The following TTC23 variants were observed in gnomAD, a reference collection of about 807,000 sequenced individuals.
The protein encoded by TTC23 is tetratricopeptide repeat domain 23.
TTC23 carries 58 observed loss-of-function variants against 55.1 expected under a neutral mutation model. The observed-to-expected ratio is 1.05, with a 90% CI of 0.85 to 1.31. The LOEUF (loss-of-function observed/expected upper bound fraction) is 1.31, where lower values mean the gene tolerates loss of function less well. Among genes scored for constraint, TTC23 ranks in the 50% most tolerant of loss-of-function variants. TTC23 has a pLI of 0.00. For missense variants in TTC23, 516 were observed against 534.4 expected (o/e 0.97, Z 0.34); for synonymous variants, 203 against 199.9 (o/e 1.02, Z -0.13).
At chr15:99,207,820 T>C (rs2076744403) in intron 8 of TTC23, among the ~76,000 whole-genome samples, 1 of 152,174 alleles carries the variant, frequency 6.6e-6, no homozygotes, top group South Asian at 2.1e-4. Flanking sequence ...TTGAGAACTA[T>C]AAGAAGCCTG....
At chr15:99,205,554 T>G (rs907672786) in intron 8 of TTC23, among the ~76,000 whole-genome samples, 1 of 152,098 alleles carries the variant, frequency 6.6e-6, no homozygotes, top group Admixed American at 6.5e-5. Context: ...TTGCTAGGTT[T>G]TTTTTTGTAG....
At chr15:99,213,563 T>C (rs559613762) in intron 8 of TTC23, among the ~76,000 whole-genome samples, 14 of 152,360 alleles carry the variant, frequency 9.2e-5, no homozygotes, top group African/African-American at 3.4e-4. Flanking sequence ...TCCTATCTTA[T>C]AAGACAGAAT....
intron 12 of TTC23, chr15:99,155,221 G>A (rs1228229171): frequency 6.6e-6 from 1 of 152,134 alleles, no homozygotes; most frequent in Non-Finnish European, 1.5e-5. Flanking sequence ...AGATCAAATG[G>A]TTAGAATTAA....
At chr15:99,211,767 G>T (rs906947387) in intron 8 of TTC23, among the ~76,000 whole-genome samples, 17 of 152,092 alleles carry the variant, frequency 1.1e-4, no homozygotes, top group Non-Finnish European at 2.4e-4. Context: ...GGAGAGTGAG[G>T]CTCCCAGGAA....
intron 12 of TTC23, chr15:99,144,951 C>T (rs558778556): frequency 7.9e-5 from 12 of 152,316 alleles, no homozygotes; most frequent in African/African-American, 2.6e-4. Context: ...AAGGTGACTT[C>T]GGAAGCCTTA....
Position 99,138,253 on chromosome 15 carries a change from T to G in TTC23, c.1227-126A>C, listed in dbSNP as rs549555434. On this transcript the variant is annotated intron_variant, in intron 13 of 13. Coordinates refer to ENST00000394132, the MANE Select transcript of TTC23 (RefSeq NM_001288615.3). ...GAGAAGACTTGGTAGGGGCTATAAA[T>G]GAGAGGAGAATTGTAGCACAGAGCA... 8.5e-5 allele frequency: 95 copies of G among 1,116,414 alleles called. No homozygotes were observed. The Middle Eastern group carries it at 1.8e-3, about 21-fold the overall frequency. The allele number at this position is 1,116,414 out of a possible 1,614,324, so 69.2% of individuals were successfully genotyped here.
intron 9 of TTC23, among the ~76,000 whole-genome samples, chr15:99,185,766 C>T (rs2074603609): frequency 6.6e-6 from 1 of 152,112 alleles, no homozygotes; most frequent in Non-Finnish European, 1.5e-5. Context: ...TCTTCCGGAC[C>T]CCTGCGGCAG....
At chr15:99,249,919 A>T (rs1184369541), upstream of TTC23, 1 of 152,130 alleles carries the variant, frequency 6.6e-6, no homozygotes, top group Non-Finnish European at 1.5e-5. Flanking sequence ...TGTGGGGAGG[A>T]GGTGAAGGTT....
At chr15:99,179,797 C>T (rs575416618) in intron 9 of TTC23, among the ~76,000 whole-genome samples, 8 of 152,052 alleles carry the variant, frequency 5.3e-5, no homozygotes, top group Non-Finnish European at 1.2e-4. Context: ...CCAGAAGAAC[C>T]TCCATGGAAC....
At chr15:99,235,997 G>T (rs71403440) in intron 3 of TTC23, among the ~76,000 whole-genome samples, 13,243 of 152,060 alleles carry the variant, frequency 0.087, 829 homozygotes, top group East Asian at 0.31. Context: ...TCTTTTTAAG[G>T]CTAAATACTA....
upstream of TTC23, chr15:99,249,821 C>G (rs1015519817): frequency 6.6e-6 from 1 of 151,970 alleles, no homozygotes; most frequent in Non-Finnish European, 1.5e-5. Context: ...ACAAAACGTG[C>G]GAATTGATTC....
At chr15:99,186,601 A>C (rs943423414) in intron 9 of TTC23, among the ~76,000 whole-genome samples, 3 of 152,182 alleles carry the variant, frequency 2.0e-5, no homozygotes, top group Non-Finnish European at 2.9e-5. Context: ...AGCACTAATA[A>C]ATGAGTTCAG....
intron 2 of TTC23, among the ~76,000 whole-genome samples, chr15:99,243,293 C>A (rs2079964162): frequency 6.6e-6 from 1 of 152,172 alleles, no homozygotes; most frequent in South Asian, 2.1e-4. Flanking sequence ...AATCAAACTA[C>A]AATGAGGTCA....
chr15:99,197,011 C>A (rs1490700804), intron 9 of TTC23, among the ~76,000 whole-genome samples: 1 of 152,188 alleles, frequency 6.6e-6, no homozygotes, highest in Non-Finnish European at 1.5e-5. Context: ...CTTGTCTTCC[C>A]CCAAAAGCAT....
At chr15:99,221,406 TC>T (rs1276203221) in intron 6 of TTC23, among the ~76,000 whole-genome samples, 1 of 152,194 alleles carries the variant, frequency 6.6e-6, no homozygotes, top group African/African-American at 2.4e-5. Context: ...TGTGAATGGA[TC>T]CCATTCTGGG....
chr15:99,242,447 G>A (rs2079894923), intron 2 of TTC23, among the ~76,000 whole-genome samples: 1 of 152,102 alleles, frequency 6.6e-6, no homozygotes, highest in East Asian at 1.9e-4. Flanking sequence ...TGAGTATTTT[G>A]AAAACTCTAA....
intron 8 of TTC23, among the ~76,000 whole-genome samples, chr15:99,203,055 A>T (rs62025687): frequency 6.6e-6 from 1 of 151,950 alleles, no homozygotes; most frequent in Non-Finnish European, 1.5e-5. Context: ...AATGGGCTCA[A>T]TTGTGATCTG....
At chr15:99,190,177 T>TG (rs1345237766) in intron 9 of TTC23, among the ~76,000 whole-genome samples, 2 of 119,188 alleles carry the variant, frequency 1.7e-5, no homozygotes, top group Admixed American at 8.6e-5. Context: ...AAGACCTGTC[T>TG]AAAAAAAGAA....
rs1438960285 is a variant in TTC23 at position 99,218,274 on chromosome 15, AAAGG to A, written c.581+310_581+313del. On this transcript the variant is annotated intron_variant, in intron 8 of 13. Coordinates refer to ENST00000394132, the MANE Select transcript of TTC23 (RefSeq NM_001288615.3). ...TTTAGACTGGAGCAGGGCAGGGAAA[AAAGG>A]AAGGGAGGGAGGAAGAGAAGGGTGT... 3.3e-5 allele frequency among the ~76,000 whole-genome samples: 5 copies of A among 152,178 alleles called. No homozygotes were observed. In the East Asian group the frequency reaches 9.6e-4, roughly 29 times the overall value.
Sources: gnomAD v4.1 joint callset for allele counts (sites outside exome capture counted in the v4.1 genomes callset) on GRCh38, gnomAD v4.1.1 for gene constraint, MANE v1.5 for transcripts, NCBI Gene and HGNC (gene_info 2026-07-23, HGNC 2026-07-21) for gene names.